MNT: variants seen among roughly 807,000 people sequenced by gnomAD.
The protein encoded by MNT is max-binding protein MNT.
MNT carries 13 observed loss-of-function variants against 40.7 expected under a neutral mutation model. The ratio of observed to expected loss-of-function variants is 0.32; its 90% CI spans 0.21 to 0.51. MNT has a LOEUF of 0.51. Ranked by LOEUF, MNT falls within the 20% of genes least tolerant of loss-of-function variation. The probability of loss-of-function intolerance (pLI) is 0.98; values close to 1 mark genes in which losing one functional copy is unlikely to be tolerated. For missense variants in MNT, 757 were observed against 792.0 expected, an observed-to-expected ratio of 0.96 and a Z score of 0.53; for synonymous variants, 426 against 354.8, an observed-to-expected ratio of 1.20 and a Z score of -2.26.
At position 2,385,107 on chromosome 17, in the gene MNT, A is replaced by T. The variant is rs1374752374; in HGVS notation, c.*1794T>A. 6.6e-6 allele frequency: 1 copy of T among 152,246 alleles called. No homozygotes were observed. The highest frequency in any genetic ancestry group is 2.4e-5 in the African/African-American group (1 of 41,430). The allele number at this position is 152,246 out of a possible 1,614,324, so 9.4% of individuals were successfully genotyped here. ...GGGTGGGTACAGGGCTCAGCCTCTG[A>T]GGATGGTGACCTGGTTTGTAACTGT... On this transcript the variant is annotated 3_prime_UTR_variant, in exon 6 of 6. Transcript: ENST00000174618.
At chr17:2,395,938 C>T (rs1026603771) in intron 1 of MNT, among the ~76,000 whole-genome samples, 8 of 152,196 alleles carry the variant, frequency 5.3e-5, no homozygotes, top group African/African-American at 1.7e-4. Flanking sequence ...CCGTGGAAGG[C>T]CTTTAACAAT....
intron 1 of MNT, among the ~76,000 whole-genome samples, chr17:2,397,049 A>C (rs950694236): frequency 1.3e-5 from 2 of 152,092 alleles, no homozygotes; most frequent in Admixed American, 6.5e-5. Context: ...GAGGCCGAGG[A>C]GGAAGCGGAG....
rs1426666605 is a variant in MNT, at chr17:2,399,633, C to G, written c.73+1007G>C. On this transcript the variant is annotated intron_variant, in intron 1 of 5. Transcript: ENST00000174618. ...GGCCCAGGCCCAACCCAGCGCAAGGCCCCTTGCCAGCCCCGCCCAGGCCCC... is the reference window on the plus strand; with the variant it reads ...GGCCCAGGCCCAACCCAGCGCAAGGGCCCTTGCCAGCCCCGCCCAGGCCCC... 3.9e-5 allele frequency among the ~76,000 whole-genome samples: 6 copies of G among 152,116 alleles called. No individual in the cohort carries two copies. The East Asian group carries it at 1.2e-3, about 30-fold the overall frequency.
At chr17:2,392,952 A>C (rs936513658) in intron 4 of MNT, among the ~76,000 whole-genome samples, 5 of 152,064 alleles carry the variant, frequency 3.3e-5, no homozygotes, top group African/African-American at 1.2e-4. Context: ...CCCCTCCCTC[A>C]GCAAGTCAGG....
chr17:2,393,941 G>A (rs1597419888), intron 4 of MNT, 102 bp downstream of exon 4: 2 of 694,016 alleles, frequency 2.9e-6, no homozygotes, highest in Non-Finnish European at 4.2e-6. Context: ...GGAGGCGCGG[G>A]GGAGCCGCCG....
intron 1 of MNT, among the ~76,000 whole-genome samples, chr17:2,397,344 C>T (rs1380286958): frequency 6.6e-6 from 1 of 152,156 alleles, no homozygotes; most frequent in African/African-American, 2.4e-5. Context: ...CCAGCCCCTT[C>T]CCCTACCCCA....
intron 4 of MNT, chr17:2,393,824 C>T (rs2066548244): frequency 8.2e-6 from 2 of 242,490 alleles, no homozygotes; most frequent in Non-Finnish European, 1.6e-5. Flanking sequence ...TCGGGAGCGG[C>T]GCGGGAGGGG....
rs376612601 is a variant in MNT at position 2,388,006 on chromosome 17, C to T, written c.851G>A (p.Arg284Gln). Residue 284 changes from arginine to glutamine, a missense_variant, in exon 5 of 6, where the codon CGG (arginine) becomes CAG (glutamine). Around this residue, in one of 4 missense-constraint regions of MNT, gnomAD observed 73 missense variants for 100.8 expected, o/e 0.72. Transcript: ENST00000174618. ...KEKEYEHEME[R>Q]LAREKIATQQ... is the part of the protein sequence containing the mutation. Reference sequence around the variant, plus strand: ...CGTGGCAATCTTCTCACGTGCCAGCCGCTCCATTTCATGCTCATATTCCTT... The same window carrying T: ...CGTGGCAATCTTCTCACGTGCCAGCTGCTCCATTTCATGCTCATATTCCTT... 2.2e-5 allele frequency: 34 copies of T among 1,570,314 alleles called. No homozygotes were observed. Among genetic ancestry groups the T allele is most frequent in the South Asian group, 2.1e-4 (18 of 86,542 alleles).
chr17:2,388,169 C>G, intron 4 of MNT, 120 bp from the exon 5 acceptor site: 1 of 951,928 alleles, frequency 1.1e-6, no homozygotes, highest in Non-Finnish European at 1.5e-6. Flanking sequence ...ACCAGCGGGC[C>G]CAGCCTGACG....
intron 4 of MNT, 129 bp from the exon 5 acceptor site, chr17:2,388,178 C>T (rs1567865123): frequency 1.0e-5 from 9 of 859,082 alleles, no homozygotes; most frequent in East Asian, 5.4e-5. Flanking sequence ...CCCAGCCTGA[C>T]GGGGGCTGCT....
Position 2,384,111 on chromosome 17 carries a change from A to T in MNT, c.*2790T>A, listed in dbSNP as rs2066434760. The T allele has an allele frequency of 6.6e-6, 1 of 152,508 alleles. No individual in the cohort carries two copies. The highest frequency in any genetic ancestry group is 6.6e-5 in the Admixed American group (1 of 15,262). The allele number at this position is 152,508 out of a possible 1,614,324, so 9.4% of individuals were successfully genotyped here. ...CAGGTTTATTTCAGTTTTATATTTTATTCCAGGCAAGTGCTTATTACATGG... is the reference window on the plus strand; with the variant it reads ...CAGGTTTATTTCAGTTTTATATTTTTTTCCAGGCAAGTGCTTATTACATGG... On this transcript the variant is annotated 3_prime_UTR_variant, in exon 6 of 6. Coordinates refer to ENST00000174618, the MANE Select transcript of MNT (RefSeq NM_020310.3).
At chr17:2,397,988 C>A (rs1326349831) in intron 1 of MNT, among the ~76,000 whole-genome samples, 1 of 152,264 alleles carries the variant, frequency 6.6e-6, no homozygotes, top group African/African-American at 2.4e-5. Flanking sequence ...AAGAGCAGAG[C>A]CAGCGTGCTC....
Position 2,386,970 on chromosome 17 carries a change from C to T in MNT, c.1680G>A (p.Gln560=). 6.6e-7 allele frequency: 1 copy of T among 1,524,552 alleles called. No homozygotes were observed. Among genetic ancestry groups the T allele is most frequent in the Non-Finnish European group, 8.8e-7 (1 of 1,133,540 alleles). The allele number at this position is 1,524,552 out of a possible 1,614,324, so 94.4% of individuals were successfully genotyped here. The change falls in exon 6 of 6, where the codon CAG becomes CAA. Residue 560 remains glutamine, a synonymous_variant. Transcript: ENST00000174618. Reference sequence around the variant, plus strand: ...CCATGGTCACAGGGTTGAGCACGGTCTGGCCCACCAGCTGGGGGTGGTGCA... The same window carrying T: ...CCATGGTCACAGGGTTGAGCACGGTTTGGCCCACCAGCTGGGGGTGGTGCA... ...QVVHHPQLVG[Q]TVLNPVTMVT... is the part of the protein sequence containing the mutation.
At position 2,394,049 on chromosome 17, in the gene MNT, G is replaced by A; in HGVS notation, c.801C>T (p.Tyr267=). ...CGGCCTCCGGGCCCCATACCTGGAT[G>A]TACCGCAGCGCCGTCCGCAGCACGC... is the stretch of plus-strand genomic sequence containing the variant. ...NLSVLRTALR[Y]IQSLKRKEKE... The change falls in exon 4 of 6, where the codon TAC becomes TAT. Residue 267 remains tyrosine, a synonymous_variant. Transcript: ENST00000174618. The A allele has an allele frequency of 4.4e-6, 7 of 1,596,400 alleles. No homozygotes were observed. Among genetic ancestry groups the A allele is most frequent in the Non-Finnish European group, 6.0e-6 (7 of 1,172,668 alleles).
intron 4 of MNT, 44 bp downstream of exon 4, chr17:2,393,999 G>A (rs1308095548): frequency 7.1e-7 from 1 of 1,414,304 alleles, no homozygotes; most frequent in Admixed American, 2.1e-5. Flanking sequence ...GCGGCGGAGG[G>A]AGGGCGGGGG....
chr17:2,394,283 A>ACACACG (rs2066557023), intron 3 of MNT, 22 bp downstream of exon 3: 3 of 1,559,246 alleles, frequency 1.9e-6, no homozygotes, highest in African/African-American at 2.7e-5. Flanking sequence ...GCACGCACAC[A>ACACACG]CACACACACA....
chr17:2,394,017 G>C (rs773888040), intron 4 of MNT, 26 bp downstream of exon 4: 11 of 1,520,796 alleles, frequency 7.2e-6, no homozygotes, highest in Non-Finnish European at 8.9e-6. Context: ...GGGAAGCTGC[G>C]CGACGCCGGC....
chr17:2,393,255 C>G (rs963244084), intron 4 of MNT, among the ~76,000 whole-genome samples: 6 of 151,938 alleles, frequency 3.9e-5, no homozygotes, highest in South Asian at 2.1e-4. Flanking sequence ...GAAGCCCCGC[C>G]GGTTTCCAGG....
At position 2,387,053 on chromosome 17, in the gene MNT, C is replaced by A. The variant is rs61733099; in HGVS notation, c.1597G>T (p.Ala533Ser). Residue 533 changes from alanine to serine, a missense_variant, in exon 6 of 6, where the codon GCC becomes TCC. Physicochemically the swap from Ala to Ser is moderately conservative, Grantham distance 99. Transcript: ENST00000174618. ...TLSHQQVNGTAGLGPPATVMA... is the reference protein window; with the variant it reads ...TLSHQQVNGTSGLGPPATVMA... ...ACAGTAGCCGGGGGCCCCAGGCCGG[C>A]CGTGCCGTTGACTTGCTGGTGCGAG... is the stretch of plus-strand genomic sequence containing the variant. 1.3e-6 allele frequency: 2 copies of A among 1,557,404 alleles called. No individual in the cohort carries two copies. The highest frequency in any genetic ancestry group is 1.7e-6 in the Non-Finnish European group (2 of 1,150,518).
Sources: allele counts gnomAD v4.1 joint callset (sites outside exome capture counted in the v4.1 genomes callset), GRCh38; gene constraint gnomAD v4.1.1; regional missense constraint gnomAD v4.1.1; transcripts MANE v1.5; gene names NCBI Gene and HGNC (gene_info 2026-07-23, HGNC 2026-07-21).